BSDC1: variants seen among roughly 807,000 people sequenced by gnomAD.
BSDC1 encodes BSD domain containing 1.
Under a neutral mutation model 56.0 loss-of-function variants are expected in BSDC1, and 29 were observed. That is an observed-to-expected ratio of 0.52 (90% CI 0.39 to 0.71). BSDC1 has a LOEUF of 0.71. Ranked by LOEUF, BSDC1 falls within the 30% of genes least tolerant of loss-of-function variation. BSDC1 has a pLI of 0.00. For synonymous variants in BSDC1, 210 were observed against 215.3 expected (o/e 0.98, Z 0.21); for missense variants, 477 against 548.5 (o/e 0.87, Z 1.30).
rs759468821 is a variant in BSDC1 at position 32,384,057 on chromosome 1, T to C, written c.190-60A>G. The C allele has an allele frequency of 3.7e-6, 6 of 1,610,250 alleles. No homozygotes were observed. In the South Asian group the frequency reaches 4.4e-5, roughly 12 times the overall value. On this transcript the variant is annotated intron_variant, in intron 3 of 10. Transcript: ENST00000455895. Reference sequence around the variant, plus strand: ...CGGGAACAGGCTGCAATCTGGGGTATGGGGGTAAAACATTGGGGCAAAGGT... The same window carrying C: ...CGGGAACAGGCTGCAATCTGGGGTACGGGGGTAAAACATTGGGGCAAAGGT...
rs1642370389 is a variant in BSDC1, at chr1:32,378,410, T to A, written c.529-127A>T. 9 of 894,948 alleles carry A rather than the reference T, an allele frequency of 1.0e-5. No homozygotes were observed. The highest frequency in any genetic ancestry group is 1.1e-5 in the Non-Finnish European group (6 of 561,186). The allele number at this position is 894,948 out of a possible 1,614,324, so 55.4% of individuals were successfully genotyped here. On this transcript the variant is annotated intron_variant, in intron 6 of 10. Coordinates refer to ENST00000455895, the MANE Select transcript of BSDC1 (RefSeq NM_018045.8). The surrounding 1 kb of genome is among the most constrained non-coding windows in gnomAD (Gnocchi z 5.2). Reference sequence around the variant, plus strand: ...CCAGTAAGTGGCTTAGCAGTGACAGTCAGAGCACTTCCACCCCCACCAAAG... The same window carrying A: ...CCAGTAAGTGGCTTAGCAGTGACAGACAGAGCACTTCCACCCCCACCAAAG...
chr1:32,387,646 GA>G (rs1642720634), intron 2 of BSDC1, among the ~76,000 whole-genome samples: 1 of 152,116 alleles, frequency 6.6e-6, no homozygotes, highest in South Asian at 2.1e-4. Flanking sequence ...TAAGGCATGT[GA>G]TTTTTTTTAT....
At chr1:32,369,887 G>A (rs562430541) in intron 9 of BSDC1, among the ~76,000 whole-genome samples, 10 of 152,290 alleles carry the variant, frequency 6.6e-5, no homozygotes, top group African/African-American at 2.4e-4. Flanking sequence ...CCGCCTCCTG[G>A]GTTCAAGAGA....
chr1:32,369,220 A>C (rs959481866), intron 9 of BSDC1: 8 of 1,279,554 alleles, frequency 6.3e-6, no homozygotes, highest in South Asian at 2.5e-5. Flanking sequence ...AAACAGCCTT[A>C]AACTATTACC....
intron 9 of BSDC1, among the ~76,000 whole-genome samples, chr1:32,370,444 T>C (rs992368297): frequency 7.2e-5 from 11 of 152,170 alleles, no homozygotes; most frequent in Admixed American, 1.3e-4. Flanking sequence ...AACACATAGT[T>C]GGCACTCAAT....
rs1372854219 is a variant in BSDC1 at position 32,365,332 on chromosome 1, A to C, written c.*1290T>G. 1 of 152,588 alleles carries C rather than the reference A, an allele frequency of 6.6e-6. No homozygotes were observed. The highest frequency in any genetic ancestry group is 1.5e-5 in the Non-Finnish European group (1 of 68,038). 9.5% of individuals were successfully genotyped at this position (152,588 alleles called of 1,614,324 possible). On this transcript the variant is annotated 3_prime_UTR_variant, in exon 11 of 11. Coordinates refer to ENST00000455895, the MANE Select transcript of BSDC1 (RefSeq NM_018045.8). ...ACCAAAAGGTTAATTAAACTAAAGA[A>C]ATAATTACAAAGAGAAAAACCCCAT...
chr1:32,371,531 C>T (rs183492458), intron 9 of BSDC1, among the ~76,000 whole-genome samples: 213 of 151,958 alleles, frequency 1.4e-3, no homozygotes, highest in Admixed American at 3.4e-3. Context: ...AGGATGGTCT[C>T]GATCTCCTGA....
intron 2 of BSDC1, chr1:32,393,843 C>A: frequency 1.9e-6 from 1 of 521,308 alleles, no homozygotes. Flanking sequence ...TGGATTCCTA[C>A]AAAACGTTCG....
chr1:32,368,007 G>T, intron 10 of BSDC1: 1 of 1,144,470 alleles, frequency 8.7e-7, no homozygotes, highest in Non-Finnish European at 1.1e-6. Context: ...GGTCAGGCAG[G>T]GTTTGATGTC....
chr1:32,367,894 G>A, intron 10 of BSDC1: 2 of 1,011,198 alleles, frequency 2.0e-6, no homozygotes, highest in African/African-American at 1.7e-5. Flanking sequence ...AGGAACCAGG[G>A]GCTCAGGTTA....
chr1:32,369,709 T>C (rs751015406), intron 9 of BSDC1, among the ~76,000 whole-genome samples: 1 of 152,224 alleles, frequency 6.6e-6, no homozygotes, highest in Non-Finnish European at 1.5e-5. Flanking sequence ...CTTCATGCCA[T>C]TGCTCAAATC....
rs1642359382 is a variant in BSDC1, at chr1:32,378,098, T to C, written c.598-50A>G. The C allele has an allele frequency of 6.3e-7, 1 of 1,596,464 alleles. No individual in the cohort carries two copies. ...ACAGGCAGTCAGGGCACCCTCTTCC[T>C]AGACCCTGGTCCTGATCCCACAACT... On this transcript the variant is annotated intron_variant, in intron 7 of 10. Transcript: ENST00000455895. The surrounding 1 kb of genome is among the most constrained non-coding windows in gnomAD (Gnocchi z 5.2).
intron 4 of BSDC1, among the ~76,000 whole-genome samples, chr1:32,382,867 C>CAAAAAAA (rs760141230): frequency 1.7e-4 from 8 of 47,034 alleles, no homozygotes; most frequent in African/African-American, 3.0e-4. Context: ...GAGACCGTCT[C>CAAAAAAA]AAAAAAAAAA....
intron 2 of BSDC1, among the ~76,000 whole-genome samples, chr1:32,392,925 G>A (rs1207166679): frequency 3.3e-5 from 5 of 152,190 alleles, no homozygotes; most frequent in Admixed American, 3.3e-4. Flanking sequence ...TTAGCCAGGA[G>A]TAGTGGCACA....
chr1:32,369,652 C>A (rs1251288837), intron 9 of BSDC1, among the ~76,000 whole-genome samples: 1 of 152,216 alleles, frequency 6.6e-6, no homozygotes, highest in Non-Finnish European at 1.5e-5. Context: ...GTTCCCTGCA[C>A]CTGGAACTCG....
chr1:32,370,519 T>C (rs1355596348), intron 9 of BSDC1, among the ~76,000 whole-genome samples: 3 of 151,864 alleles, frequency 2.0e-5, no homozygotes, highest in Non-Finnish European at 2.9e-5. Context: ...AATCTAGCCA[T>C]GTCGCCGGGC....
At chr1:32,386,941 C>T (rs1268722267) in intron 2 of BSDC1, 46 bp from the exon 3 acceptor site, 20 of 1,458,748 alleles carry the variant, frequency 1.4e-5, no homozygotes, top group Non-Finnish European at 1.8e-5. Context: ...GGCCCCACCA[C>T]CCCTTGTTCC....
At chr1:32,369,942 G>A (rs746185161) in intron 9 of BSDC1, among the ~76,000 whole-genome samples, 3 of 151,820 alleles carry the variant, frequency 2.0e-5, no homozygotes, top group Non-Finnish European at 4.4e-5. Context: ...ACAGGCACCT[G>A]CCTGGTACCA....
Position 32,378,414 on chromosome 1 carries a change from A to G in BSDC1, c.529-131T>C, listed in dbSNP as rs1557645378. ...TAAGTGGCTTAGCAGTGACAGTCAG[A>G]GCACTTCCACCCCCACCAAAGTTTC... On this transcript the variant is annotated intron_variant, in intron 6 of 10. Transcript: ENST00000455895. The surrounding 1 kb of genome is among the most constrained non-coding windows in gnomAD (Gnocchi z 5.2). 3.4e-6 allele frequency: 3 copies of G among 890,616 alleles called. No homozygotes were observed. The allele number at this position is 890,616 out of a possible 1,614,324, so 55.2% of individuals were successfully genotyped here. A position where few individuals can be genotyped will look rare whatever the true frequency, so the allele number is the denominator to read the frequency against.
Sources: allele counts gnomAD v4.1 joint callset (sites outside exome capture counted in the v4.1 genomes callset), GRCh38; gene constraint gnomAD v4.1.1; non-coding constraint Gnocchi (gnomAD v3.1); transcripts MANE v1.5; gene names NCBI Gene and HGNC (gene_info 2026-07-23, HGNC 2026-07-21).